Variants in SBF2 observed in about 807,000 individuals in gnomAD.
SBF2 encodes the protein myotubularin-related protein 13.
A neutral mutation model predicts 225.2 loss-of-function variants in SBF2; 112 were observed. The observed-to-expected ratio is 0.50, with a 90% CI of 0.43 to 0.58. SBF2 has a LOEUF of 0.58. SBF2 is among the 20% of genes least tolerant of loss of function. The pLI is 0.00. For missense variants in SBF2, 1,996 were observed against 2,206.2 expected (o/e 0.90, Z 1.91); for synonymous variants, 763 against 773.3 (o/e 0.99, Z 0.22).
chr11:9,790,834 A>G, intron 33 of SBF2, 151 bp from the exon 34 acceptor site: 1 of 601,506 alleles, frequency 1.7e-6, no homozygotes, highest in Non-Finnish European at 2.9e-6. Flanking sequence ...AAATAACTGC[A>G]AAGCTAAAGA....
chr11:10,281,640 G>A (rs1440851456), intron 1 of SBF2, among the ~76,000 whole-genome samples: 1 of 151,978 alleles, frequency 6.6e-6, no homozygotes, highest in Non-Finnish European at 1.5e-5. Context: ...TTGGTTCTCG[G>A]TACTTTATTC....
At chr11:10,229,975 T>C (rs1958758990) in intron 1 of SBF2, among the ~76,000 whole-genome samples, 1 of 152,166 alleles carries the variant, frequency 6.6e-6, no homozygotes, top group Non-Finnish European at 1.5e-5. Context: ...ACTAAGGACT[T>C]GCTTTATGAA....
chr11:9,959,530 T>A, intron 16 of SBF2: 1 of 794,166 alleles, frequency 1.3e-6, no homozygotes, highest in Non-Finnish European at 2.3e-6. Flanking sequence ...CACCAGCTTG[T>A]GGAGGTCCTT....
At chr11:9,917,264 T>C (rs1564998827) in intron 16 of SBF2, among the ~76,000 whole-genome samples, 1 of 151,756 alleles carries the variant, frequency 6.6e-6, no homozygotes, top group Non-Finnish European at 1.5e-5. Flanking sequence ...GTCACTTTAT[T>C]CTTGAACTGA....
chr11:10,068,493 T>C (rs956117301), intron 2 of SBF2, among the ~76,000 whole-genome samples: 13 of 152,308 alleles, frequency 8.5e-5, no homozygotes, highest in African/African-American at 3.1e-4. Flanking sequence ...CTTGGGATTC[T>C]AGAATAAAAG....
At chr11:10,177,763 C>T (rs1195039053) in intron 2 of SBF2, among the ~76,000 whole-genome samples, 2 of 150,344 alleles carry the variant, frequency 1.3e-5, no homozygotes, top group Non-Finnish European at 2.9e-5. Flanking sequence ...AATGGCCATA[C>T]TGCCCAAGGT....
At chr11:10,133,401 T>G (rs1234955065) in intron 2 of SBF2, among the ~76,000 whole-genome samples, 1 of 148,478 alleles carries the variant, frequency 6.7e-6, no homozygotes, top group Admixed American at 6.8e-5. Flanking sequence ...GCCCATGGAG[T>G]GGGTGGGAGG....
rs757795698 is a variant in SBF2, at chr11:10,294,070, G to GGCC, written c.-4_-2dup. ...TGAAGTAGTCAGCCAGCCGGGCCAT[G>GGCC]GCCGCCGCCGCCGCGCTCGGGAAGC... is the stretch of plus-strand genomic sequence containing the variant. On this transcript the variant is annotated 5_prime_UTR_variant, in exon 1 of 40. Coordinates refer to ENST00000256190, the MANE Select transcript of SBF2 (RefSeq NM_030962.4). The GGCC allele has an allele frequency of 1.1e-5, 15 of 1,376,304 alleles. No homozygotes were observed. Among genetic ancestry groups the GGCC allele is most frequent in the African/African-American group, 6.0e-5 (4 of 66,132 alleles). The allele number at this position is 1,376,304 out of a possible 1,614,324, so 85.3% of individuals were successfully genotyped here.
At chr11:9,811,066 C>CAGCTGAAGCAAACTAACA (rs1452108842) in intron 30 of SBF2, 5 of 152,194 alleles carry the variant, frequency 3.3e-5, no homozygotes, top group Non-Finnish European at 7.3e-5. Context: ...TGCAGTAACA[C>CAGCTGAAGCAAACTAACA]AGCTGAAGCA....
Position 10,032,293 on chromosome 11 carries a change from C to T in SBF2, c.280-1123G>A, listed in dbSNP as rs141683180. 1.6e-3 allele frequency among the ~76,000 whole-genome samples: 237 copies of T among 152,204 alleles called. 1 individual carries two copies. The highest frequency in any genetic ancestry group is 0.015 in the Admixed American group (223 of 15,288). On this transcript the variant is annotated intron_variant, in intron 3 of 39. Coordinates refer to ENST00000256190, the MANE Select transcript of SBF2 (RefSeq NM_030962.4). The stretch of plus-strand genomic sequence containing the variant: ...AACCTATATCCCACTGTCAACAAAC[C>T]CTGATTTCTTACCTCCTCTATTGCT...
chr11:9,984,448 C>T (rs999973937), intron 13 of SBF2, among the ~76,000 whole-genome samples: 1 of 152,016 alleles, frequency 6.6e-6, no homozygotes, highest in Non-Finnish European at 1.5e-5. Context: ...ATGACCAAAC[C>T]TAAGAATAAT....
chr11:9,815,470 T>A (rs1854409923), intron 29 of SBF2, among the ~76,000 whole-genome samples: 1 of 149,598 alleles, frequency 6.7e-6, no homozygotes, highest in Non-Finnish European at 1.5e-5. Context: ...AAAAAAAATA[T>A]AATAATAATA....
intron 16 of SBF2, among the ~76,000 whole-genome samples, chr11:9,927,365 A>G (rs1864135516): frequency 6.6e-6 from 1 of 152,182 alleles, no homozygotes; most frequent in Non-Finnish European, 1.5e-5. Flanking sequence ...GAGCCGGAGT[A>G]TGCACTTCCC....
chr11:10,112,022 T>A (rs1265587801), intron 2 of SBF2, among the ~76,000 whole-genome samples: 6 of 152,244 alleles, frequency 3.9e-5, no homozygotes, highest in Non-Finnish European at 8.8e-5. Flanking sequence ...TGACATAAAT[T>A]ACTCTGAATC....
intron 16 of SBF2, among the ~76,000 whole-genome samples, chr11:9,943,906 G>A (rs999038189): frequency 6.6e-6 from 1 of 152,156 alleles, no homozygotes; most frequent in African/African-American, 2.4e-5. Context: ...TCTTGCACAA[G>A]TGCATCAGGA....
chr11:10,056,928 GT>G (rs1225623471), intron 2 of SBF2, among the ~76,000 whole-genome samples: 6 of 152,072 alleles, frequency 3.9e-5, no homozygotes, highest in Non-Finnish European at 8.8e-5. Flanking sequence ...TGGCCAGACT[GT>G]TTTTTTAAGC....
chr11:10,024,968 CTA>C (rs945360177), intron 6 of SBF2, among the ~76,000 whole-genome samples: 4 of 152,126 alleles, frequency 2.6e-5, no homozygotes, highest in Non-Finnish European at 5.9e-5. Flanking sequence ...TCAGTCTTGA[CTA>C]TTTATTTCCT....
At chr11:9,921,913 G>A (rs999954684) in intron 16 of SBF2, among the ~76,000 whole-genome samples, 2 of 152,150 alleles carry the variant, frequency 1.3e-5, no homozygotes, top group African/African-American at 2.4e-5. Flanking sequence ...AAGATGTTAT[G>A]GGATTATAGA....
chr11:10,139,643 A>G (rs1954549969), intron 2 of SBF2, among the ~76,000 whole-genome samples: 1 of 152,220 alleles, frequency 6.6e-6, no homozygotes, highest in Non-Finnish European at 1.5e-5. Context: ...TTGCTCCCGT[A>G]TATAAGCTCC....
Sources: allele counts gnomAD v4.1 joint callset (sites outside exome capture counted in the v4.1 genomes callset), GRCh38; gene constraint gnomAD v4.1.1; transcripts MANE v1.5; gene names NCBI Gene and HGNC (gene_info 2026-07-23, HGNC 2026-07-21).